MEGF11: variants seen among roughly 807,000 people sequenced by gnomAD.
The protein encoded by MEGF11 is multiple epidermal growth factor-like domains protein 11.
Under a neutral mutation model 146.6 loss-of-function variants are expected in MEGF11, and 126 were observed. The observed-to-expected ratio is 0.86, with a 90% CI of 0.74 to 1.00. The LOEUF (loss-of-function observed/expected upper bound fraction) is 1.00, where lower values mean the gene tolerates loss of function less well. MEGF11 is among the 50% of genes least tolerant of loss of function. The pLI, the probability that MEGF11 is intolerant of heterozygous loss-of-function variation, is 0.00. For synonymous variants in MEGF11, 532 were observed against 583.4 expected (o/e 0.91, Z 1.27); for missense variants, 1,509 against 1,521.2 (o/e 0.99, Z 0.13).
chr15:65,910,910 A>G (rs1253011558), intron 21 of MEGF11, among the ~76,000 whole-genome samples: 1 of 152,236 alleles, frequency 6.6e-6, no homozygotes, highest in African/African-American at 2.4e-5. Flanking sequence ...CTATGGGCAC[A>G]GGCACAGGTG....
chr15:66,095,949 A>G (rs1211384716), intron 4 of MEGF11, among the ~76,000 whole-genome samples: 1 of 152,198 alleles, frequency 6.6e-6, no homozygotes, highest in Admixed American at 6.5e-5. Context: ...TAGAACCACA[A>G]TGTGCTGCTC....
chr15:65,948,392 C>G (rs976032034), intron 10 of MEGF11, among the ~76,000 whole-genome samples: 1 of 152,082 alleles, frequency 6.6e-6, no homozygotes, highest in East Asian at 1.9e-4. Context: ...TACAGTGTTA[C>G]ACCTGTTTTA....
intron 10 of MEGF11, among the ~76,000 whole-genome samples, chr15:65,947,049 TTA>T (rs2080220250): frequency 6.6e-6 from 1 of 152,228 alleles, no homozygotes; most frequent in Non-Finnish European, 1.5e-5. Flanking sequence ...AGATTTTTTG[TTA>T]TGTTTTTTCT....
At chr15:65,924,175 C>T (rs28481474) in intron 13 of MEGF11, among the ~76,000 whole-genome samples, 1,629 of 151,878 alleles carry the variant, frequency 0.011, 34 homozygotes, top group African/African-American at 0.036. Context: ...CCTGGGCTGG[C>T]GAGGAGAGGG....
At position 65,913,749 on chromosome 15, in the gene MEGF11, A is replaced by G. The variant is rs868272785; in HGVS notation, c.2698T>C (p.Tyr900His). Reference protein sequence around the residue: ...TPAMRMTSTDYSLSDLSQSSS... With the variant: ...TPAMRMTSTDHSLSDLSQSSS... ...GCATGGCCCTTACCTGAGAGGGAGTAGTCGGTGCTGGTCATCCTCATGGCA... is the reference window on the plus strand; with the variant it reads ...GCATGGCCCTTACCTGAGAGGGAGTGGTCGGTGCTGGTCATCCTCATGGCA... Residue 900 changes from tyrosine (Y) to histidine (H), a missense_variant, in exon 20 of 26, where the codon TAC becomes CAC. By Grantham distance (83) the Tyr-to-His change is moderately conservative. Transcript: ENST00000395614. 6.2e-7 allele frequency: 1 copy of G among 1,612,408 alleles called. No individual in the cohort carries two copies. The highest frequency in any genetic ancestry group is 1.3e-5 in the African/African-American group (1 of 75,018).
chr15:66,007,122 G>A (rs2552176), intron 5 of MEGF11, among the ~76,000 whole-genome samples: 93,369 of 152,102 alleles, frequency 0.61, 29,913 homozygotes, highest in Non-Finnish European at 0.72. Context: ...AGCACTGAGT[G>A]TGCTAACTTA....
intron 10 of MEGF11, among the ~76,000 whole-genome samples, 172 bp from the exon 11 acceptor site, chr15:65,931,115 C>T (rs1173514021): frequency 2.0e-5 from 3 of 152,134 alleles, no homozygotes; most frequent in Admixed American, 1.3e-4. Context: ...GATTACGGAC[C>T]TGGAGATGGA....
At chr15:66,155,019 G>A (rs1229608239) in intron 1 of MEGF11, among the ~76,000 whole-genome samples, 3 of 152,230 alleles carry the variant, frequency 2.0e-5, no homozygotes, top group African/African-American at 7.2e-5. Flanking sequence ...GAATCACAGA[G>A]TCAGGATGTC....
At chr15:66,079,544 C>T (rs1033275726) in intron 5 of MEGF11, among the ~76,000 whole-genome samples, 11 of 143,626 alleles carry the variant, frequency 7.7e-5, no homozygotes, top group South Asian at 2.3e-4. Context: ...CACACCCCCC[C>T]CCCCAGCACC....
At chr15:65,907,686 A>G (rs541886387) in intron 23 of MEGF11, among the ~76,000 whole-genome samples, 1 of 152,346 alleles carries the variant, frequency 6.6e-6, no homozygotes, top group African/African-American at 2.4e-5. Flanking sequence ...TTAGTTCAGC[A>G]CTTTATGCCA....
intron 10 of MEGF11, among the ~76,000 whole-genome samples, chr15:65,948,811 G>A (rs145679096): frequency 2.0e-3 from 307 of 151,234 alleles, no homozygotes; most frequent in African/African-American, 7.1e-3. Context: ...AACAGAGCTA[G>A]GACTTGGGTA....
chr15:65,934,837 G>A (rs1028694715), intron 10 of MEGF11, among the ~76,000 whole-genome samples: 1 of 152,190 alleles, frequency 6.6e-6, no homozygotes, highest in Non-Finnish European at 1.5e-5. Flanking sequence ...TGTGCACCTG[G>A]AGAGGGCATG....
At chr15:66,088,382 C>T (rs140781043) in intron 5 of MEGF11, among the ~76,000 whole-genome samples, 9 of 152,310 alleles carry the variant, frequency 5.9e-5, no homozygotes, top group Non-Finnish European at 1.3e-4. Context: ...GGGGGCTGGG[C>T]GCAATGGCTC....
chr15:66,240,947 T>A (rs1424814764), intron 1 of MEGF11, among the ~76,000 whole-genome samples: 1 of 152,214 alleles, frequency 6.6e-6, no homozygotes, highest in African/African-American at 2.4e-5. Flanking sequence ...TTGACTCCTT[T>A]GTTTCCTATA....
intron 5 of MEGF11, among the ~76,000 whole-genome samples, chr15:66,007,074 C>G (rs1001912214): frequency 1.3e-5 from 2 of 152,246 alleles, no homozygotes; most frequent in Non-Finnish European, 2.9e-5. Flanking sequence ...AGCGGCTGCA[C>G]GCTGTTGACC....
intron 1 of MEGF11, 36 bp from the exon 2 acceptor site, chr15:66,128,447 C>T: frequency 7.8e-7 from 1 of 1,287,576 alleles, no homozygotes; most frequent in Middle Eastern, 1.9e-4. Context: ...CGTCTGTGAT[C>T]AGACCATGTT....
chr15:66,107,058 C>CCT (rs1461661108), intron 4 of MEGF11, among the ~76,000 whole-genome samples: 1 of 140,724 alleles, frequency 7.1e-6, no homozygotes, highest in Admixed American at 7.4e-5. Context: ...ATTCCTACCC[C>CCT]CCCACCAGGT....
At chr15:66,084,638 C>A (rs528171624) in intron 5 of MEGF11, among the ~76,000 whole-genome samples, 30 of 152,288 alleles carry the variant, frequency 2.0e-4, no homozygotes, top group Non-Finnish European at 3.7e-4. Context: ...GTAGAGGAAG[C>A]AGCAGAAAGG....
At chr15:66,186,915 G>A (rs552626889) in intron 1 of MEGF11, among the ~76,000 whole-genome samples, 58 of 152,270 alleles carry the variant, frequency 3.8e-4, no homozygotes, top group African/African-American at 1.3e-3. Flanking sequence ...AGGCAGCACT[G>A]GCTTTGAAGT....
Sources: gnomAD v4.1 joint callset for allele counts (sites outside exome capture counted in the v4.1 genomes callset) on GRCh38, gnomAD v4.1.1 for gene constraint, MANE v1.5 for transcripts, NCBI Gene and HGNC (gene_info 2026-07-23, HGNC 2026-07-21) for gene names.